Variants in PTPRO observed in about 807,000 individuals in gnomAD.
PTPRO encodes the protein protein tyrosine phosphatase receptor type O, also known as receptor-type tyrosine-protein phosphatase O.
Under a neutral mutation model 145.2 loss-of-function variants are expected in PTPRO, and 62 were observed. The observed-to-expected ratio is 0.43, with a 90% CI of 0.35 to 0.53. PTPRO has a LOEUF of 0.53. Ranked by LOEUF, PTPRO falls within the 20% of genes least tolerant of loss-of-function variation. The pLI is 0.01. For synonymous variants in PTPRO, 565 were observed against 514.7 expected (o/e 1.10, Z -1.32); for missense variants, 1,345 against 1,482.7 (o/e 0.91, Z 1.53).
chr12:15,526,213 T>C lies in PTPRO; in HGVS notation c.2115T>C (p.Ala705=), dbSNP rs1306796581. 2 of 1,613,634 alleles carry C rather than the reference T, an allele frequency of 1.2e-6. No homozygotes were observed. The highest frequency in any genetic ancestry group is 1.7e-6 in the Non-Finnish European group (2 of 1,179,732). ...ACATCTATAACCTCTCAGTAACTGC[T>C]TGTACTGAAAGAGGAAGTAATACCT... ...PGDIYNLSVT[A]CTERGSNTSM... Residue 705 remains alanine, a synonymous_variant, in exon 12 of 27, where the codon GCT becomes GCC. Coordinates refer to ENST00000281171, the MANE Select transcript of PTPRO (RefSeq NM_030667.3).
chr12:15,479,043 G>A (rs1386787358), intron 1 of PTPRO, among the ~76,000 whole-genome samples: 2 of 152,160 alleles, frequency 1.3e-5, no homozygotes, highest in Admixed American at 6.5e-5. Context: ...CGCACTGAAT[G>A]TGCGGAAAGA....
intron 1 of PTPRO, among the ~76,000 whole-genome samples, chr12:15,403,387 A>G (rs1591779959): frequency 6.6e-6 from 1 of 152,246 alleles, no homozygotes; most frequent in East Asian, 1.9e-4. Context: ...GTTCGAGACC[A>G]GCCTGGCCAA....
intron 1 of PTPRO, among the ~76,000 whole-genome samples, chr12:15,360,605 T>C (rs1273710048): frequency 6.6e-6 from 1 of 150,578 alleles, no homozygotes; most frequent in African/African-American, 2.4e-5. Context: ...GTATCTCTCT[T>C]TCTCTCTCTC....
At chr12:15,480,758 G>A (rs369906913) in intron 1 of PTPRO, among the ~76,000 whole-genome samples, 2 of 151,008 alleles carry the variant, frequency 1.3e-5, no homozygotes, top group African/African-American at 4.9e-5. Context: ...TGGATGGATG[G>A]ATGGATGCAT....
intron 1 of PTPRO, among the ~76,000 whole-genome samples, chr12:15,435,932 T>A (rs1236892069): frequency 6.6e-6 from 1 of 152,216 alleles, no homozygotes; most frequent in Non-Finnish European, 1.5e-5. Flanking sequence ...TTTTAAACTA[T>A]CTGTGGCAAA....
intron 1 of PTPRO, among the ~76,000 whole-genome samples, chr12:15,454,039 G>A (rs1941112651): frequency 6.6e-6 from 1 of 152,152 alleles, no homozygotes; most frequent in African/African-American, 2.4e-5. Flanking sequence ...CAGTGAACAA[G>A]AGAGTGCAAA....
chr12:15,404,643 A>G (rs1939597549), intron 1 of PTPRO, among the ~76,000 whole-genome samples: 1 of 152,204 alleles, frequency 6.6e-6, no homozygotes, highest in Non-Finnish European at 1.5e-5. Context: ...GTTATTAATC[A>G]TACTTCATCA....
chr12:15,493,923 C>A (rs1245924460), intron 2 of PTPRO, among the ~76,000 whole-genome samples: 4 of 152,052 alleles, frequency 2.6e-5, no homozygotes, highest in Non-Finnish European at 5.9e-5. Flanking sequence ...GCAAAACGGA[C>A]ACTAAAATAA....
chr12:15,538,944 T>C (rs920490177), intron 12 of PTPRO, among the ~76,000 whole-genome samples: 1 of 152,220 alleles, frequency 6.6e-6, no homozygotes, highest in African/African-American at 2.4e-5. Flanking sequence ...TCTTTTATGC[T>C]CCTTCAACTT....
chr12:15,475,215 T>C (rs1016759038), intron 1 of PTPRO, among the ~76,000 whole-genome samples: 4 of 152,348 alleles, frequency 2.6e-5, no homozygotes, highest in East Asian at 1.9e-4. Context: ...TGCTAAAACA[T>C]AGAGAAAGAA....
intron 1 of PTPRO, chr12:15,410,441 A>C (rs544742596): frequency 6.6e-6 from 1 of 152,346 alleles, no homozygotes; most frequent in East Asian, 1.9e-4. Flanking sequence ...TCTCTGCTGG[A>C]CTACTTGGGT....
chr12:15,416,377 T>C (rs1301959528), intron 1 of PTPRO, among the ~76,000 whole-genome samples: 1 of 150,438 alleles, frequency 6.6e-6, no homozygotes, highest in African/African-American at 2.5e-5. Flanking sequence ...TGGAGTGCAG[T>C]GGCACAATCT....
intron 1 of PTPRO, among the ~76,000 whole-genome samples, chr12:15,464,526 GT>G (rs61245440): frequency 0.015 from 2,296 of 148,176 alleles, 67 homozygotes; most frequent in African/African-American, 0.054. Flanking sequence ...AGCTAATTTT[GT>G]TTTTTTTTTT....
rs778222369 is a variant in PTPRO at position 15,499,392 on chromosome 12, G to C, written c.509-50G>C. On this transcript the variant is annotated intron_variant, in intron 3 of 26. Coordinates refer to ENST00000281171, the MANE Select transcript of PTPRO (RefSeq NM_030667.3). ...ATTGTTTCAAACTTTCCAGAAGTGT[G>C]TGATGTTTAGAAGACCATATTTTTC... 5.1e-6 allele frequency: 8 copies of C among 1,554,104 alleles called. No individual in the cohort carries two copies. In the Admixed American group the frequency reaches 1.2e-4, roughly 23 times the overall value.
rs1944274146 is a variant in PTPRO, at chr12:15,579,979, C to T, written c.2921-60C>T. ...TTAACTTAATATTGGATAGAAAGGG[C>T]CAAAATAATTTTTCCTTCCATCTTG... On this transcript the variant is annotated intron_variant, in intron 20 of 26. Coordinates refer to ENST00000281171, the MANE Select transcript of PTPRO (RefSeq NM_030667.3). 6.6e-6 allele frequency: 9 copies of T among 1,360,332 alleles called. No homozygotes were observed. In the South Asian group the frequency reaches 9.4e-5, roughly 14 times the overall value. 84.3% of individuals were successfully genotyped at this position (1,360,332 alleles called of 1,614,324 possible).
rs11056501 is a variant in PTPRO, at chr12:15,459,434, C to T, written c.76-24540C>T. Among the ~76,000 whole-genome samples, 809 of 152,276 alleles carry T rather than the reference C, an allele frequency of 5.3e-3. 53 individuals are homozygous for T. In the East Asian group the frequency reaches 0.14, roughly 26 times the overall value. ...AACACATAATGTAGTTCTTTCCTTC[C>T]CTCTCCGGAGAGAAGCTGGGAACTG... On this transcript the variant is annotated intron_variant, in intron 1 of 26. Transcript: ENST00000281171.
intron 12 of PTPRO, among the ~76,000 whole-genome samples, chr12:15,530,670 T>C (rs1942943965): frequency 6.6e-6 from 1 of 152,098 alleles, no homozygotes; most frequent in Admixed American, 6.6e-5. Flanking sequence ...TAAAAATTCT[T>C]GAGACAAATG....
intron 1 of PTPRO, among the ~76,000 whole-genome samples, chr12:15,440,615 C>G (rs192408885): frequency 3.3e-5 from 5 of 152,242 alleles, no homozygotes; most frequent in South Asian, 2.1e-4. Flanking sequence ...AATCCCAGCA[C>G]TTTGGGAGGC....
intron 12 of PTPRO, among the ~76,000 whole-genome samples, chr12:15,542,606 G>C (rs1432501625): frequency 6.6e-6 from 1 of 152,078 alleles, no homozygotes; most frequent in Non-Finnish European, 1.5e-5. Context: ...AACATAATAA[G>C]GGCCACATGT....
Sources: gnomAD v4.1 joint callset for allele counts (sites outside exome capture counted in the v4.1 genomes callset) on GRCh38, gnomAD v4.1.1 for gene constraint, MANE v1.5 for transcripts, NCBI Gene and HGNC (gene_info 2026-07-23, HGNC 2026-07-21) for gene names.